Variants in SPATA7 observed in about 807,000 individuals in gnomAD.
SPATA7 encodes spermatogenesis-associated protein 7.
Under a neutral mutation model 51.8 loss-of-function variants are expected in SPATA7, and 43 were observed. The ratio of observed to expected loss-of-function variants is 0.83; its 90% CI spans 0.65 to 1.07. The LOEUF (loss-of-function observed/expected upper bound fraction) is 1.07. Among genes scored for constraint, SPATA7 ranks in the 50% least tolerant of loss-of-function variants. The pLI is 0.00. For missense variants in SPATA7, 683 were observed against 701.3 expected (o/e 0.97, Z 0.30); for synonymous variants, 230 against 252.8 (o/e 0.91, Z 0.86).
intron 4 of SPATA7, among the ~76,000 whole-genome samples, chr14:88,405,407 G>T (rs996644493): frequency 3.9e-5 from 6 of 152,194 alleles, no homozygotes; most frequent in Non-Finnish European, 8.8e-5. Flanking sequence ...TCATAGTTGG[G>T]AATAGTCTGA....
intron 3 of SPATA7, among the ~76,000 whole-genome samples, chr14:88,449,546 CT>C (rs1459053865): frequency 3.3e-5 from 5 of 152,106 alleles, no homozygotes; most frequent in Admixed American, 2.0e-4. Flanking sequence ...TGAATATATA[CT>C]CTGCAGTTTT....
intron 6 of SPATA7, among the ~76,000 whole-genome samples, chr14:88,427,420 AT>A (rs1214901118): frequency 2.0e-5 from 3 of 151,832 alleles, no homozygotes; most frequent in African/African-American, 4.9e-5. Context: ...TAAGATTAGT[AT>A]TTTTTTCTTT....
chr14:88,416,827 T>G lies in SPATA7; in HGVS notation c.355T>G (p.Phe119Val). Residue 119 changes from phenylalanine (F) to valine (V), a missense_variant, in exon 5 of 12, where the codon TTT (phenylalanine) becomes GTT (valine). Physicochemically the swap from Phe to Val is conservative, Grantham distance 50 (BLOSUM62 -1). Coordinates refer to ENST00000393545, the MANE Select transcript of SPATA7 (RefSeq NM_018418.5). Reference sequence around the variant, plus strand: ...TTATAAAAATAATTCCAAGTCACTTTTTAATACCTTACAAAAGGTAAGATA... The same window carrying G: ...TTATAAAAATAATTCCAAGTCACTTGTTAATACCTTACAAAAGGTAAGATA... ...ANYKNNSKSL[F>V]NTLQKPSGEP... is the part of the protein sequence containing the mutation. The G allele has an allele frequency of 6.3e-7, 1 of 1,597,300 alleles. No homozygotes were observed. The highest frequency in any genetic ancestry group is 1.1e-5 in the South Asian group (1 of 90,398).
intron 1 of SPATA7, among the ~76,000 whole-genome samples, chr14:88,387,737 T>C (rs73319850): frequency 0.035 from 5,355 of 152,254 alleles, 308 homozygotes; most frequent in African/African-American, 0.12. Context: ...ATCTTCAGCA[T>C]GTCACTGTAC....
chr14:88,461,057 C>T (rs530177892), intron 4 of SPATA7, among the ~76,000 whole-genome samples: 1 of 152,282 alleles, frequency 6.6e-6, no homozygotes, highest in African/African-American at 2.4e-5. Flanking sequence ...GCTGCCTGAT[C>T]GTTCCTCTGG....
downstream of SPATA7, among the ~76,000 whole-genome samples, chr14:88,441,967 G>T (rs1293648809): frequency 1.3e-5 from 2 of 152,218 alleles, no homozygotes; most frequent in East Asian, 1.9e-4. Context: ...AATTTTTATA[G>T]TTTCAGGTCT....
intron 4 of SPATA7, among the ~76,000 whole-genome samples, chr14:88,409,266 A>G (rs1324409987): frequency 1.3e-5 from 2 of 152,136 alleles, no homozygotes; most frequent in Non-Finnish European, 2.9e-5. Flanking sequence ...TACTGCCTCA[A>G]TTTCAGAACT....
intron 4 of SPATA7, among the ~76,000 whole-genome samples, chr14:88,410,965 A>C (rs1595224666): frequency 1.3e-5 from 2 of 152,274 alleles, no homozygotes; most frequent in East Asian, 3.9e-4. Context: ...AAGTCTGCTG[A>C]AGCTGTGCCC....
At chr14:88,417,366 G>A (rs1432494664) in intron 5 of SPATA7, among the ~76,000 whole-genome samples, 2 of 150,180 alleles carry the variant, frequency 1.3e-5, no homozygotes, top group Non-Finnish European at 3.0e-5. Flanking sequence ...GAGTGCAGTG[G>A]CATGATCTTG....
At chr14:88,415,977 T>C (rs137886038) in intron 4 of SPATA7, 2 of 152,450 alleles carry the variant, frequency 1.3e-5, no homozygotes, top group Non-Finnish European at 2.9e-5. Flanking sequence ...TGTTTAAAAG[T>C]GTATGCCCCC....
downstream of SPATA7, among the ~76,000 whole-genome samples, chr14:88,440,141 A>C (rs1336519327): frequency 1.3e-5 from 2 of 151,976 alleles, no homozygotes; most frequent in Non-Finnish European, 2.9e-5. Context: ...TCCCCATGTA[A>C]CTACCCCAGA....
chr14:88,463,437 C>T (rs918775318), intron 4 of SPATA7, among the ~76,000 whole-genome samples: 1 of 152,166 alleles, frequency 6.6e-6, no homozygotes, highest in African/African-American at 2.4e-5. Context: ...CTTTCTGAGT[C>T]TTGGTTGCCA....
chr14:88,429,752 AG>A (rs1178310236), intron 8 of SPATA7, among the ~76,000 whole-genome samples: 4 of 152,136 alleles, frequency 2.6e-5, no homozygotes, highest in African/African-American at 9.7e-5. Context: ...CCCCAAGACA[AG>A]TCCTCTGGCA....
downstream of SPATA7, among the ~76,000 whole-genome samples, chr14:88,456,068 T>C (rs1350605321): frequency 6.6e-6 from 1 of 152,164 alleles, no homozygotes; most frequent in African/African-American, 2.4e-5. Context: ...TCATTTTTTA[T>C]GGCTGCATAG....
At chr14:88,409,961 G>A (rs2076296364) in intron 4 of SPATA7, among the ~76,000 whole-genome samples, 1 of 152,116 alleles carries the variant, frequency 6.6e-6, no homozygotes, top group South Asian at 2.1e-4. Context: ...GAGACTGTTT[G>A]TTATGATTTC....
At chr14:88,443,002 T>C (rs1252929903), downstream of SPATA7, among the ~76,000 whole-genome samples, 2 of 150,304 alleles carry the variant, frequency 1.3e-5, no homozygotes, top group African/African-American at 4.9e-5. Flanking sequence ...AGTGCAGTGG[T>C]GCGATCTCAG....
chr14:88,431,689 A>G (rs200531764), intron 9 of SPATA7, among the ~76,000 whole-genome samples: 2 of 152,278 alleles, frequency 1.3e-5, no homozygotes, highest in East Asian at 3.9e-4. Flanking sequence ...TTTAGCTTCC[A>G]CATATGAGTG....
chr14:88,411,311 T>C (rs933453069), intron 4 of SPATA7, among the ~76,000 whole-genome samples: 1 of 152,196 alleles, frequency 6.6e-6, no homozygotes, highest in Non-Finnish European at 1.5e-5. Context: ...CTGGGTTCTA[T>C]GGGGTGGAAT....
intron 4 of SPATA7, among the ~76,000 whole-genome samples, chr14:88,399,075 A>AT (rs2075984661): frequency 6.6e-6 from 1 of 152,080 alleles, no homozygotes; most frequent in Non-Finnish European, 1.5e-5. Flanking sequence ...AAGAAAAAAA[A>AT]GTAAATATCA....
Sources: gnomAD v4.1 joint callset for allele counts (sites outside exome capture counted in the v4.1 genomes callset) on GRCh38, gnomAD v4.1.1 for gene constraint, MANE v1.5 for transcripts, NCBI Gene and HGNC (gene_info 2026-07-23, HGNC 2026-07-21) for gene names.